WWOX: variants seen among roughly 807,000 people sequenced by gnomAD.
The protein encoded by WWOX is WW domain-containing oxidoreductase.
A neutral mutation model predicts 46.2 loss-of-function variants in WWOX; 69 were observed. That is an observed-to-expected ratio of 1.49 (90% CI 1.23 to 1.82). WWOX has a LOEUF of 1.82. Ranked by LOEUF, WWOX falls within the 40% of genes most tolerant of loss-of-function variation. The pLI, the probability that WWOX is intolerant of heterozygous loss-of-function variation, is 0.00. For missense variants in WWOX, 919 were observed against 542.6 expected, an observed-to-expected ratio of 1.69 and a Z score of -6.89; for synonymous variants, 359 against 202.6, an observed-to-expected ratio of 1.77 and a Z score of -6.56.
intron 8 of WWOX, among the ~76,000 whole-genome samples, chr16:78,725,344 C>CTTTTTTTTTTTTTTTTTTTTTTTTTT (rs1220702069): frequency 1.6e-5 from 1 of 61,874 alleles, no homozygotes; most frequent in African/African-American, 7.3e-5. Context: ...CTTTTCTTTT[C>CTTTTTTTTTTTTTTTTTTTTTTTTTT]TTTTTTTTTT....
intron 8 of WWOX, among the ~76,000 whole-genome samples, chr16:78,886,364 A>C (rs1414110440): frequency 6.6e-6 from 1 of 151,632 alleles, no homozygotes; most frequent in South Asian, 2.1e-4. Flanking sequence ...TTATTTACTC[A>C]ATATTAATTA....
At position 78,387,086 on chromosome 16, in the gene WWOX, G is replaced by A. The variant is rs61054844; in HGVS notation, c.605+138G>A. 20,918 of 821,662 alleles carry A rather than the reference G, an allele frequency of 0.025. 2,339 individuals are homozygous for A. The African/African-American group carries it at 0.27, about 11-fold the overall frequency. The allele number at this position is 821,662 out of a possible 1,614,324, so 50.9% of individuals were successfully genotyped here. On this transcript the variant is annotated intron_variant, in intron 6 of 8. Transcript: ENST00000566780. ...CAGGAGGCTCATTTATATTGGCCCT[G>A]TTAAGGTGAACCGTATTTTCTTGAC...
At chr16:78,426,771 C>T (rs776707654) in intron 7 of WWOX, among the ~76,000 whole-genome samples, 2 of 152,180 alleles carry the variant, frequency 1.3e-5, no homozygotes. Flanking sequence ...TTAAGCGATT[C>T]TCCTGCCTCA....
At chr16:78,392,484 T>C (rs1357517452) in intron 6 of WWOX, among the ~76,000 whole-genome samples, 2 of 152,106 alleles carry the variant, frequency 1.3e-5, no homozygotes, top group African/African-American at 4.8e-5. Context: ...AAGTGCACAA[T>C]AAATGTCATC....
chr16:79,102,904 G>A (rs1197686513), intron 8 of WWOX, among the ~76,000 whole-genome samples: 1 of 150,326 alleles, frequency 6.7e-6, no homozygotes, highest in Non-Finnish European at 1.5e-5. Flanking sequence ...ATGCAACCCT[G>A]GCTGGTGGCT....
At chr16:78,527,729 G>GCTC (rs1555555149) in intron 8 of WWOX, among the ~76,000 whole-genome samples, 2 of 151,774 alleles carry the variant, frequency 1.3e-5, no homozygotes, top group Admixed American at 6.6e-5. Flanking sequence ...TCATGAACAG[G>GCTC]TTCTTGATCA....
chr16:78,885,011 G>C (rs1035066889), intron 8 of WWOX, among the ~76,000 whole-genome samples: 6 of 152,054 alleles, frequency 3.9e-5, no homozygotes, highest in Non-Finnish European at 5.9e-5. Context: ...GTGTCACTGG[G>C]CAGTTGTTTC....
chr16:79,045,366 C>G (rs902840632), intron 8 of WWOX, among the ~76,000 whole-genome samples: 1 of 152,100 alleles, frequency 6.6e-6, no homozygotes, highest in Admixed American at 6.6e-5. Flanking sequence ...CCCAGTTGTC[C>G]AGCTTGTAGC....
intron 8 of WWOX, among the ~76,000 whole-genome samples, chr16:78,834,046 G>A (rs1257653933): frequency 2.6e-5 from 4 of 152,224 alleles, no homozygotes; most frequent in Non-Finnish European, 5.9e-5. Context: ...GAAGCCATCA[G>A]TCAAATCAGA....
intron 8 of WWOX, among the ~76,000 whole-genome samples, chr16:79,142,968 A>G (rs1302175175): frequency 6.6e-6 from 1 of 152,114 alleles, no homozygotes; most frequent in Non-Finnish European, 1.5e-5. Flanking sequence ...CCTCCCAAAG[A>G]GCAGAGATTA....
In WWOX at chr16:78,382,063, T is replaced by A. The variant is rs556733797; in HGVS notation, c.517-4797T>A. Among the ~76,000 whole-genome samples, 9 of 152,346 alleles carry A rather than the reference T, an allele frequency of 5.9e-5. No individual in the cohort carries two copies. In the South Asian group the frequency reaches 1.9e-3, roughly 32 times the overall value. ...CTTTTTTATATGGCCCATATTCATA[T>A]GTCTTTGTGACTTTTTTTTATAATG... is the stretch of plus-strand genomic sequence containing the variant. On this transcript the variant is annotated intron_variant, in intron 5 of 8. Transcript: ENST00000566780.
chr16:78,693,275 A>G (rs2048030174), intron 8 of WWOX, among the ~76,000 whole-genome samples: 1 of 152,132 alleles, frequency 6.6e-6, no homozygotes, highest in African/African-American at 2.4e-5. Flanking sequence ...GGTCTAGCCT[A>G]CAAAGAGAAT....
intron 8 of WWOX, among the ~76,000 whole-genome samples, chr16:78,944,559 C>A (rs963030134): frequency 6.6e-6 from 1 of 152,124 alleles, no homozygotes; most frequent in African/African-American, 2.4e-5. Flanking sequence ...TCTTGAGTTT[C>A]GTACACATCT....
intron 8 of WWOX, among the ~76,000 whole-genome samples, chr16:78,544,612 A>G (rs966986248): frequency 2.0e-5 from 3 of 152,236 alleles, no homozygotes; most frequent in Non-Finnish European, 2.9e-5. Flanking sequence ...GTGGCTGGGC[A>G]TGGTGGCTCA....
At chr16:79,140,862 C>T (rs181064513) in intron 8 of WWOX, among the ~76,000 whole-genome samples, 6 of 152,132 alleles carry the variant, frequency 3.9e-5, no homozygotes, top group Admixed American at 2.6e-4. Flanking sequence ...AGTTTCCGTA[C>T]GTCAGTTTCA....
intron 8 of WWOX, among the ~76,000 whole-genome samples, chr16:78,549,029 G>A (rs2044115268): frequency 6.6e-6 from 1 of 152,128 alleles, no homozygotes; most frequent in African/African-American, 2.4e-5. Flanking sequence ...ACTTTTATCG[G>A]TGCCTTGATA....
chr16:78,622,108 C>G (rs954816888), intron 8 of WWOX, among the ~76,000 whole-genome samples: 5 of 152,138 alleles, frequency 3.3e-5, no homozygotes, highest in Admixed American at 2.6e-4. Flanking sequence ...ACCTGGGCAG[C>G]AGATAATTTT....
At chr16:79,193,175 G>C (rs2051170965) in intron 8 of WWOX, among the ~76,000 whole-genome samples, 1 of 152,198 alleles carries the variant, frequency 6.6e-6, no homozygotes. Context: ...AGAACAGAAA[G>C]CACAGGTTAT....
intron 4 of WWOX, among the ~76,000 whole-genome samples, chr16:78,141,656 T>G (rs1832870199): frequency 6.6e-6 from 1 of 152,320 alleles, no homozygotes; most frequent in Admixed American, 6.5e-5. Flanking sequence ...TAAATACACA[T>G]ACTTGCTTTA....
Sources: allele counts gnomAD v4.1 joint callset (sites outside exome capture counted in the v4.1 genomes callset), GRCh38; gene constraint gnomAD v4.1.1; transcripts MANE v1.5; gene names NCBI Gene and HGNC (gene_info 2026-07-23, HGNC 2026-07-21).